Variants in POMT2 observed in about 807,000 individuals in gnomAD.
The protein encoded by POMT2 is protein O-mannosyl-transferase 2.
POMT2 carries 75 observed loss-of-function variants against 100.0 expected under a neutral mutation model. That is an observed-to-expected ratio of 0.75 (90% CI 0.62 to 0.91). The LOEUF is 0.91. Ranked by LOEUF, POMT2 falls within the 40% of genes least tolerant of loss-of-function variation. POMT2 has a pLI of 0.00. For missense variants in POMT2, 940 were observed against 955.1 expected, an observed-to-expected ratio of 0.98 and a Z score of 0.21; for synonymous variants, 378 against 374.1, an observed-to-expected ratio of 1.01 and a Z score of -0.12.
rs1566642627 is a variant in POMT2 at position 77,278,514 on chromosome 14, G to C, written c.2033-6C>G. 2 of 1,465,718 alleles carry C rather than the reference G, an allele frequency of 1.4e-6. No individual in the cohort carries two copies. Among genetic ancestry groups the C allele is most frequent in the Non-Finnish European group, 1.9e-6 (2 of 1,074,338 alleles). 90.8% of individuals were successfully genotyped at this position (1,465,718 alleles called of 1,614,324 possible). On this transcript the variant is annotated splice_region_variant and splice_polypyrimidine_tract_variant and intron_variant, in intron 19 of 20. Transcript: ENST00000261534. ...GAGGGTGTCCCACAGAATGCCTAGA[G>C]GAGAGGAGAGAAACCTGGAGTCAGC...
intron 2 of POMT2, chr14:77,308,805 C>A (rs1427994394): frequency 4.5e-6 from 2 of 448,634 alleles, no homozygotes. Flanking sequence ...TGTGCATATT[C>A]TTCGATTTTT....
chr14:77,304,698 T>G lies in POMT2; in HGVS notation c.541A>C (p.Thr181Pro), dbSNP rs1594799014. The G allele has an allele frequency of 6.3e-7, 1 of 1,583,592 alleles. No individual in the cohort carries two copies. Residue 181 changes from threonine (T) to proline (P), a missense_variant, in exon 4 of 21, where the codon ACC becomes CCC. By Grantham distance (38) the Thr-to-Pro change is conservative. Coordinates refer to ENST00000261534, the MANE Select transcript of POMT2 (RefSeq NM_013382.7). The part of the protein sequence containing the change: ...SAALLTAALL[T>P]FDTGCLTLSQ... ...TATGGCTAAGACAACTTACCAAAGG[T>G]GAGGAGGGCAGCTGTGAGCAGTGCT...
chr14:77,307,662 T>A (rs1217764186), intron 2 of POMT2, among the ~76,000 whole-genome samples: 1 of 152,150 alleles, frequency 6.6e-6, no homozygotes. Context: ...CAGTACCCTA[T>A]ATTCTAGTTC....
At chr14:77,310,159 G>A (rs1229919948) in intron 2 of POMT2, among the ~76,000 whole-genome samples, 3 of 152,218 alleles carry the variant, frequency 2.0e-5, no homozygotes, top group Non-Finnish European at 4.4e-5. Context: ...TACTCAACAT[G>A]TTCTGTTGTT....
Position 77,320,847 on chromosome 14 carries a change from G to A in POMT2, c.-166C>T, listed in dbSNP as rs1891874800. 5 of 1,327,822 alleles carry A rather than the reference G, an allele frequency of 3.8e-6. No individual in the cohort carries two copies. Among genetic ancestry groups the A allele is most frequent in the Non-Finnish European group, 4.8e-6 (5 of 1,035,216 alleles). The allele number at this position is 1,327,822 out of a possible 1,614,324, so 82.3% of individuals were successfully genotyped here. A position where few individuals can be genotyped will look rare whatever the true frequency, so the allele number is the denominator to read the frequency against. Reference sequence around the variant, plus strand: ...GGCTCGGGGCGGGGCGGGCAGCGTGGTCGCGGCCCGGGCCGCTAGGAGGCG... The same window carrying A: ...GGCTCGGGGCGGGGCGGGCAGCGTGATCGCGGCCCGGGCCGCTAGGAGGCG... On this transcript the variant is annotated 5_prime_UTR_variant, in exon 1 of 21. Coordinates refer to ENST00000261534, the MANE Select transcript of POMT2 (RefSeq NM_013382.7).
intron 4 of POMT2, among the ~76,000 whole-genome samples, chr14:77,303,654 G>C (rs2139490266): frequency 6.6e-6 from 1 of 152,208 alleles, no homozygotes; most frequent in East Asian, 1.9e-4. Context: ...TCCCTGCAGG[G>C]CCTGATCCTT....
intron 6 of POMT2, chr14:77,300,055 T>G (rs1483666206): frequency 2.3e-5 from 5 of 218,370 alleles, no homozygotes; most frequent in Non-Finnish European, 4.6e-5. Flanking sequence ...TGACTGTAAC[T>G]GCCTGCTTCC....
chr14:77,288,547 C>T (rs930535960), intron 11 of POMT2, among the ~76,000 whole-genome samples: 33 of 152,236 alleles, frequency 2.2e-4, no homozygotes, highest in African/African-American at 7.7e-4. Context: ...TCAAATTTTC[C>T]TCTAGGAAAT....
At chr14:77,303,182 G>A (rs1891112118) in intron 4 of POMT2, among the ~76,000 whole-genome samples, 1 of 152,124 alleles carries the variant, frequency 6.6e-6, no homozygotes, top group African/African-American at 2.4e-5. Context: ...CTCAACCCAA[G>A]AGAGGATCAT....
At chr14:77,277,822 C>G (rs899776438) in intron 20 of POMT2, among the ~76,000 whole-genome samples, 1 of 152,216 alleles carries the variant, frequency 6.6e-6, no homozygotes, top group African/African-American at 2.4e-5. Context: ...AGGCCCAGCA[C>G]CAAGGCCAGG....
Position 77,279,862 on chromosome 14 carries a change from C to T in POMT2, c.1852G>A (p.Ala618Thr). ...YLLSGSIIAV[A>T]MQRGARLPAE... ...GGCAGCCGTGCCCCTCTCTGCATGG[C>T]TACAGCAATGATGCTCCCTGAGAGG... Residue 618 changes from alanine (A) to threonine (T), a missense_variant, in exon 18 of 21, where the codon GCC becomes ACC. By Grantham distance (58) the Ala-to-Thr change is moderately conservative. Transcript: ENST00000261534. 12 of 1,614,014 alleles carry T rather than the reference C, an allele frequency of 7.4e-6. No homozygotes were observed. The highest frequency in any genetic ancestry group is 1.0e-5 in the Non-Finnish European group (12 of 1,180,010).
At chr14:77,290,912 G>A (rs1020897103) in intron 10 of POMT2, among the ~76,000 whole-genome samples, 1 of 152,326 alleles carries the variant, frequency 6.6e-6, no homozygotes, top group Middle Eastern at 3.4e-3. Context: ...GACTTAAGCT[G>A]CACCACATGC....
chr14:77,314,055 G>A lies in POMT2; in HGVS notation c.249-2022C>T, dbSNP rs751919771. 3.5e-4 allele frequency among the ~76,000 whole-genome samples: 53 copies of A among 152,274 alleles called. 1 individual carries two copies. In the Middle Eastern group the frequency reaches 0.02, roughly 59 times the overall value. Reference sequence around the variant, plus strand: ...AAAAGTTTCCCAAGTAAAACCAGTTGTAACATTCATATTTCCTCCTGGCTT... The same window carrying A: ...AAAAGTTTCCCAAGTAAAACCAGTTATAACATTCATATTTCCTCCTGGCTT... On this transcript the variant is annotated intron_variant, in intron 1 of 20. Coordinates refer to ENST00000261534, the MANE Select transcript of POMT2 (RefSeq NM_013382.7).
chr14:77,301,804 G>T (rs1891054733), intron 5 of POMT2, among the ~76,000 whole-genome samples: 1 of 152,202 alleles, frequency 6.6e-6, no homozygotes, highest in Non-Finnish European at 1.5e-5. Flanking sequence ...CAGCTAGCAG[G>T]CAGTGGGGCA....
intron 11 of POMT2, chr14:77,287,344 C>G (rs920218054): frequency 1.3e-5 from 2 of 151,748 alleles, no homozygotes; most frequent in Admixed American, 1.3e-4. Flanking sequence ...TTATCTGGAA[C>G]AAATAATAAA....
chr14:77,306,724 A>G (rs1457932205), intron 2 of POMT2: 1 of 378,308 alleles, frequency 2.6e-6, no homozygotes, highest in Non-Finnish European at 5.1e-6. Flanking sequence ...CACAATTTGA[A>G]GGGTAGAGTC....
Position 77,299,511 on chromosome 14 carries a change from C to A in POMT2, c.867G>T (p.Leu289=). Residue 289 remains leucine, a synonymous_variant, in exon 7 of 21, where the codon CTG becomes CTT. Transcript: ENST00000261534. ...AGGTGGCTGTATAGAGAGCCAGGGG[C>A]AGCACTATGAGGCACAGGACACGAG... The part of the protein sequence containing the change: ...LTARVLCLIV[L]PLALYTATFA... The A allele has an allele frequency of 2.5e-6, 4 of 1,614,144 alleles. No homozygotes were observed. The highest frequency in any genetic ancestry group is 3.4e-6 in the Non-Finnish European group (4 of 1,180,000).
At chr14:77,310,532 A>C (rs1247509978) in intron 2 of POMT2, among the ~76,000 whole-genome samples, 1 of 152,170 alleles carries the variant, frequency 6.6e-6, no homozygotes, top group African/African-American at 2.4e-5. Flanking sequence ...CAATTTTGAA[A>C]TAGGCTACCT....
chr14:77,280,920 C>T (rs1340262097), intron 15 of POMT2, among the ~76,000 whole-genome samples: 1 of 151,982 alleles, frequency 6.6e-6, no homozygotes, highest in Non-Finnish European at 1.5e-5. Flanking sequence ...GGTAAAACCC[C>T]GTCTTTACTA....
Sources: gnomAD v4.1 joint callset for allele counts (sites outside exome capture counted in the v4.1 genomes callset) on GRCh38, gnomAD v4.1.1 for gene constraint, MANE v1.5 for transcripts, NCBI Gene and HGNC (gene_info 2026-07-23, HGNC 2026-07-21) for gene names.